Variants in NPB observed in about 807,000 individuals in gnomAD.
The protein encoded by NPB is prepro-NPB.
Under a neutral mutation model 6.7 loss-of-function variants are expected in NPB, and 8 were observed. The ratio of observed to expected loss-of-function variants is 1.20; its 90% CI spans 0.71 to 2.17. The LOEUF (loss-of-function observed/expected upper bound fraction) is 2.17, where lower values mean the gene tolerates loss of function less well. NPB is among the 30% of genes most tolerant of loss of function. NPB has a pLI of 0.00. For synonymous variants in NPB, 118 were observed against 103.4 expected (o/e 1.14, Z -0.86); for missense variants, 199 against 190.2 (o/e 1.05, Z -0.27).
In NPB at chr17:81,902,494, G is replaced by T; in HGVS notation, c.217G>T (p.Glu73Ter). The T allele has an allele frequency of 3.5e-6, 5 of 1,414,776 alleles. No homozygotes were observed. Among genetic ancestry groups the T allele is most frequent in the Non-Finnish European group, 3.7e-6 (4 of 1,092,280 alleles). 87.6% of individuals were successfully genotyped at this position (1,414,776 alleles called of 1,614,324 possible). Residue 73 changes from glutamate (E) to a stop codon, truncating the protein, a stop_gained, in exon 1 of 2, where the codon GAG becomes TAG. Transcript: ENST00000333383. LOFTEE classifies it low-confidence loss of function (END_TRUNC). ...CCCGGGCGGGGCCGGCGCCTCCCCG[G>T]AGCTGCAACTGCACCCCAGGCTGCG... ...EPPGGAGASP[E>*]LQLHPRLRSL... is the part of the protein sequence containing the mutation.
chr17:81,902,308 GC>G lies in NPB; in HGVS notation c.34del (p.Leu12TrpfsTer134). MARSATLAAA[A>X]LALCLLLAPP... ...CCGGTCCGCGACACTGGCGGCCGCC[GC>G]CCTGGCGCTGTGCCTGCTGCTGGCG... On this transcript the variant is annotated frameshift_variant, in exon 1 of 2. Transcript: ENST00000333383. LOFTEE classifies it high-confidence loss of function. 1.5e-6 allele frequency: 2 copies of G among 1,326,850 alleles called. No homozygotes were observed. The highest frequency in any genetic ancestry group is 1.9e-6 in the Non-Finnish European group (2 of 1,045,264). 82.2% of individuals were successfully genotyped at this position (1,326,850 alleles called of 1,614,324 possible).
At position 81,902,584 on chromosome 17, in the gene NPB, CG is replaced by C. The variant is rs756719813; in HGVS notation, c.250-34del. ...CGGCGGCAGGACGTGGGTGGGGGTG[CG>C]GCGGCCCCTCAGCCTTTGCTTGCCT... On this transcript the variant is annotated intron_variant, in intron 1 of 1. Coordinates refer to ENST00000333383, the MANE Select transcript of NPB (RefSeq NM_148896.5). 22 of 1,520,290 alleles carry C rather than the reference CG, an allele frequency of 1.4e-5. No individual in the cohort carries two copies. In the Admixed American group the frequency reaches 4.6e-4, roughly 32 times the overall value. 94.2% of individuals were successfully genotyped at this position (1,520,290 alleles called of 1,614,324 possible). A position where few individuals can be genotyped will look rare whatever the true frequency, so the allele number is the denominator to read the frequency against.
rs749409125 is a variant in NPB at position 81,902,784 on chromosome 17, GC to G, written c.*41del. On this transcript the variant is annotated 3_prime_UTR_variant, in exon 2 of 2. Transcript: ENST00000333383. ...CTCCTGGCACCGCTGGGGGCCCCCCGCCCCCACCGTCCCACTCGGTGACCCC... is the reference window on the plus strand; with the variant it reads ...CTCCTGGCACCGCTGGGGGCCCCCCGCCCCACCGTCCCACTCGGTGACCCC... The G allele has an allele frequency of 5.2e-5, 82 of 1,567,128 alleles. No homozygotes were observed. Among genetic ancestry groups the G allele is most frequent in the Non-Finnish European group, 6.8e-5 (79 of 1,159,242 alleles).
rs753367714 is a variant in NPB, at chr17:81,902,784, G to A, written c.*36G>A. 1 of 1,567,256 alleles carries A rather than the reference G, an allele frequency of 6.4e-7. No individual in the cohort carries two copies. The highest frequency in any genetic ancestry group is 8.6e-7 in the Non-Finnish European group (1 of 1,159,234). ...CTCCTGGCACCGCTGGGGGCCCCCC[G>A]CCCCCACCGTCCCACTCGGTGACCC... On this transcript the variant is annotated 3_prime_UTR_variant, in exon 2 of 2. Coordinates refer to ENST00000333383, the MANE Select transcript of NPB (RefSeq NM_148896.5).
In NPB at chr17:81,902,485, G is replaced by C. The variant is rs1314271712; in HGVS notation, c.208G>C (p.Ala70Pro). 5 of 1,397,460 alleles carry C rather than the reference G, an allele frequency of 3.6e-6. No homozygotes were observed. The highest frequency in any genetic ancestry group is 6.0e-5 in the East Asian group (2 of 33,508). 86.6% of individuals were successfully genotyped at this position (1,397,460 alleles called of 1,614,324 possible). ...GGCGGAACCCCCGGGCGGGGCCGGCGCCTCCCCGGAGCTGCAACTGCACCC... is the reference window on the plus strand; with the variant it reads ...GGCGGAACCCCCGGGCGGGGCCGGCCCCTCCCCGGAGCTGCAACTGCACCC... Reference protein sequence around the residue: ...RGAEPPGGAGASPELQLHPRL... With the variant: ...RGAEPPGGAGPSPELQLHPRL... Residue 70 changes from alanine (A) to proline (P), a missense_variant, in exon 1 of 2, where the codon GCC (alanine) becomes CCC (proline). Physicochemically the swap from Ala to Pro is conservative, Grantham distance 27. Transcript: ENST00000333383.
chr17:81,902,474 G>A lies in NPB; in HGVS notation c.197G>A (p.Gly66Asp). The change falls in exon 1 of 2, where the codon GGC becomes GAC. Residue 66 changes from glycine (G) to aspartate (D), a missense_variant. Physicochemically the swap from Gly to Asp is moderately conservative, Grantham distance 94. Coordinates refer to ENST00000333383, the MANE Select transcript of NPB (RefSeq NM_148896.5). ...CCCTACAGAGGGGCGGAACCCCCGG[G>A]CGGGGCCGGCGCCTCCCCGGAGCTG... ...SQPYRGAEPP[G>D]GAGASPELQL... The A allele has an allele frequency of 2.9e-6, 4 of 1,392,050 alleles. No homozygotes were observed. The highest frequency in any genetic ancestry group is 9.2e-7 in the Non-Finnish European group (1 of 1,081,950). The allele number at this position is 1,392,050 out of a possible 1,614,324, so 86.2% of individuals were successfully genotyped here.
rs2039984118 is a variant in NPB, at chr17:81,902,323, C to T, written c.46C>T (p.Leu16=). 2 of 1,339,950 alleles carry T rather than the reference C, an allele frequency of 1.5e-6. No homozygotes were observed. The highest frequency in any genetic ancestry group is 9.5e-7 in the Non-Finnish European group (1 of 1,052,792). The allele number at this position is 1,339,950 out of a possible 1,614,324, so 83.0% of individuals were successfully genotyped here. A position where few individuals can be genotyped will look rare whatever the true frequency, so the allele number is the denominator to read the frequency against. ...TLAAAALALC[L]LLAPPGLAWY... is the part of the protein sequence containing the mutation. ...GGCGGCCGCCGCCCTGGCGCTGTGC[C>T]TGCTGCTGGCGCCGCCTGGCCTCGC... Residue 16 remains leucine, a synonymous_variant, in exon 1 of 2, where the codon CTG becomes TTG. Transcript: ENST00000333383.
chr17:81,902,572 T>C, intron 1 of NPB, 46 bp downstream of exon 1: 2 of 1,507,278 alleles, frequency 1.3e-6, no homozygotes, highest in Non-Finnish European at 8.8e-7. Context: ...CGGCAGGACG[T>C]GGGTGGGGGT....
In NPB at chr17:81,902,773, G is replaced by A; in HGVS notation, c.*25G>A. On this transcript the variant is annotated 3_prime_UTR_variant, in exon 2 of 2. Coordinates refer to ENST00000333383, the MANE Select transcript of NPB (RefSeq NM_148896.5). ...AGCCCGGACCTCTCCTGGCACCGCT[G>A]GGGGCCCCCCGCCCCCACCGTCCCA... is the stretch of plus-strand genomic sequence containing the variant. 1.3e-6 allele frequency: 2 copies of A among 1,583,662 alleles called. No individual in the cohort carries two copies. Among genetic ancestry groups the A allele is most frequent in the Non-Finnish European group, 1.7e-6 (2 of 1,167,978 alleles).
chr17:81,902,798 A>T lies in NPB; in HGVS notation c.*50A>T. 1 of 1,541,054 alleles carries T rather than the reference A, an allele frequency of 6.5e-7. No homozygotes were observed. The highest frequency in any genetic ancestry group is 1.2e-5 in the South Asian group (1 of 83,240). On this transcript the variant is annotated 3_prime_UTR_variant, in exon 2 of 2. Coordinates refer to ENST00000333383, the MANE Select transcript of NPB (RefSeq NM_148896.5). ...GGGGGCCCCCCGCCCCCACCGTCCC[A>T]CTCGGTGACCCCAGGCCCCTCCGGC... is the stretch of plus-strand genomic sequence containing the variant.
At position 81,902,429 on chromosome 17, in the gene NPB, C is replaced by T; in HGVS notation, c.152C>T (p.Pro51Leu). 3 of 1,353,200 alleles carry T rather than the reference C, an allele frequency of 2.2e-6. No individual in the cohort carries two copies. The highest frequency in any genetic ancestry group is 5.4e-4 in the Middle Eastern group (2 of 3,688). The allele number at this position is 1,353,200 out of a possible 1,614,324, so 83.8% of individuals were successfully genotyped here. ...AGLLSGLRRS[P>L]YARRSQPYRG... ...CTGCTGTCCGGCCTCCGCAGGTCCC[C>T]GTACGCGCGGCGCTCCCAGCCCTAC... Residue 51 changes from proline to leucine, a missense_variant, in exon 1 of 2, where the codon CCG becomes CTG. Pro to Leu is a moderately conservative substitution (Grantham distance 98). Transcript: ENST00000333383.
At position 81,902,863 on chromosome 17, in the gene NPB, C is replaced by A; in HGVS notation, c.*115C>A. 1 of 898,416 alleles carries A rather than the reference C, an allele frequency of 1.1e-6. No individual in the cohort carries two copies. The highest frequency in any genetic ancestry group is 3.0e-5 in the East Asian group (1 of 33,218). The allele number at this position is 898,416 out of a possible 1,614,324, so 55.7% of individuals were successfully genotyped here. On this transcript the variant is annotated 3_prime_UTR_variant, in exon 2 of 2. Transcript: ENST00000333383. ...CAGGTCTCCCCTACTCCGCTCACCCCGCAGTTAATGGCAAACGAATAAATA... is the reference window on the plus strand; with the variant it reads ...CAGGTCTCCCCTACTCCGCTCACCCAGCAGTTAATGGCAAACGAATAAATA...
Position 81,902,499 on chromosome 17 carries a change from G to A in NPB, c.222G>A (p.Leu74=). 1 of 1,420,316 alleles carries A rather than the reference G, an allele frequency of 7.0e-7. No homozygotes were observed. Among genetic ancestry groups the A allele is most frequent in the Non-Finnish European group, 9.1e-7 (1 of 1,094,790 alleles). 88.0% of individuals were successfully genotyped at this position (1,420,316 alleles called of 1,614,324 possible). A position where few individuals can be genotyped will look rare whatever the true frequency, so the allele number is the denominator to read the frequency against. The change falls in exon 1 of 2, where the codon CTG becomes CTA. Residue 74 remains leucine, a synonymous_variant. Transcript: ENST00000333383. ...GCGGGGCCGGCGCCTCCCCGGAGCT[G>A]CAACTGCACCCCAGGCTGCGGAGCC... ...PPGGAGASPE[L]QLHPRLRSLA...
chr17:81,902,355 C>A lies in NPB; in HGVS notation c.78C>A (p.Tyr26Ter). The change falls in exon 1 of 2, where the codon TAC (tyrosine) becomes TAA (stop). Residue 26 changes from tyrosine (Y) to a stop codon, truncating the protein, a stop_gained. Transcript: ENST00000333383. LOFTEE classifies it high-confidence loss of function. ...TGGCGCCGCCTGGCCTCGCGTGGTA[C>A]AAGCCAGCGGCGGGGCACAGCTCCT... ...LLLAPPGLAW[Y>*]KPAAGHSSYS... The A allele has an allele frequency of 7.4e-7, 1 of 1,349,092 alleles. No homozygotes were observed. The highest frequency in any genetic ancestry group is 1.9e-5 in the South Asian group (1 of 51,436). 83.6% of individuals were successfully genotyped at this position (1,349,092 alleles called of 1,614,324 possible).
In NPB at chr17:81,902,778, C is replaced by G; in HGVS notation, c.*30C>G. 4 of 1,571,500 alleles carry G rather than the reference C, an allele frequency of 2.5e-6. No homozygotes were observed. The highest frequency in any genetic ancestry group is 1.4e-5 in the African/African-American group (1 of 72,924). On this transcript the variant is annotated 3_prime_UTR_variant, in exon 2 of 2. Transcript: ENST00000333383. ...GGACCTCTCCTGGCACCGCTGGGGGCCCCCCGCCCCCACCGTCCCACTCGG... is the reference window on the plus strand; with the variant it reads ...GGACCTCTCCTGGCACCGCTGGGGGGCCCCCGCCCCCACCGTCCCACTCGG...
rs1346967457 is a variant in NPB at position 81,902,455 on chromosome 17, A to G, written c.178A>G (p.Arg60Gly). ...SPYARRSQPY[R>G]GAEPPGGAGA... ...GTACGCGCGGCGCTCCCAGCCCTAC[A>G]GAGGGGCGGAACCCCCGGGCGGGGC... The change falls in exon 1 of 2, where the codon AGA becomes GGA. Residue 60 changes from arginine to glycine, a missense_variant. Transcript: ENST00000333383. The G allele has an allele frequency of 7.2e-7, 1 of 1,385,000 alleles. No homozygotes were observed. Among genetic ancestry groups the G allele is most frequent in the Non-Finnish European group, 9.3e-7 (1 of 1,079,012 alleles). 85.8% of individuals were successfully genotyped at this position (1,385,000 alleles called of 1,614,324 possible). A position where few individuals can be genotyped will look rare whatever the true frequency, so the allele number is the denominator to read the frequency against.
At position 81,902,859 on chromosome 17, in the gene NPB, A is replaced by T; in HGVS notation, c.*111A>T. 4.3e-6 allele frequency: 4 copies of T among 931,596 alleles called. No individual in the cohort carries two copies. Among genetic ancestry groups the T allele is most frequent in the Non-Finnish European group, 6.2e-6 (4 of 650,370 alleles). The allele number at this position is 931,596 out of a possible 1,614,324, so 57.7% of individuals were successfully genotyped here. On this transcript the variant is annotated 3_prime_UTR_variant, in exon 2 of 2. Transcript: ENST00000333383. ...GCCCCAGGTCTCCCCTACTCCGCTC[A>T]CCCCGCAGTTAATGGCAAACGAATA...
rs755465796 is a variant in NPB at position 81,902,649 on chromosome 17, C to T, written c.279C>T (p.Asn93=). 8 of 1,605,128 alleles carry T rather than the reference C, an allele frequency of 5.0e-6. No homozygotes were observed. Among genetic ancestry groups the T allele is most frequent in the East Asian group, 4.5e-5 (2 of 44,382 alleles). ...LAVCVQDVAP[N]LQRCERLPDG... The stretch of plus-strand genomic sequence containing the variant: ...TGTGCGTCCAGGACGTCGCCCCAAA[C>T]CTGCAGAGGTGCGAGCGGCTCCCCG... The change falls in exon 2 of 2, where the codon AAC becomes AAT. Residue 93 remains asparagine, a synonymous_variant. Coordinates refer to ENST00000333383, the MANE Select transcript of NPB (RefSeq NM_148896.5).
chr17:81,902,843 C>G lies in NPB; in HGVS notation c.*95C>G. 9.1e-7 allele frequency: 1 copy of G among 1,092,916 alleles called. No homozygotes were observed. Among genetic ancestry groups the G allele is most frequent in the Non-Finnish European group, 1.3e-6 (1 of 784,596 alleles). 67.7% of individuals were successfully genotyped at this position (1,092,916 alleles called of 1,614,324 possible). On this transcript the variant is annotated 3_prime_UTR_variant, in exon 2 of 2. Coordinates refer to ENST00000333383, the MANE Select transcript of NPB (RefSeq NM_148896.5). ...TCCGGCGCGGGATGGCGCCCCAGGT[C>G]TCCCCTACTCCGCTCACCCCGCAGT...
Sources: gnomAD v4.1 joint callset for allele counts on GRCh38, gnomAD v4.1.1 for gene constraint, MANE v1.5 for transcripts, NCBI Gene and HGNC (gene_info 2026-07-23, HGNC 2026-07-21) for gene names.